DPP10: variants seen among roughly 807,000 people sequenced by gnomAD.
DPP10 encodes inactive dipeptidyl peptidase 10.
DPP10 carries 33 observed loss-of-function variants against 120.9 expected under a neutral mutation model. The observed-to-expected ratio is 0.27, with a 90% CI of 0.21 to 0.37. The LOEUF (loss-of-function observed/expected upper bound fraction) is 0.37. Among genes scored for constraint, DPP10 ranks in the 10% least tolerant of loss-of-function variants. The pLI, the probability that DPP10 is intolerant of heterozygous loss-of-function variation, is 1.00. For missense variants in DPP10, 816 were observed against 942.8 expected (o/e 0.87, Z 1.76); for synonymous variants, 337 against 326.1 (o/e 1.03, Z -0.36).
chr2:114,888,952 T>C (rs1394068493), intron 1 of DPP10, among the ~76,000 whole-genome samples: 1 of 152,184 alleles, frequency 6.6e-6, no homozygotes, highest in African/African-American at 2.4e-5. Flanking sequence ...TACTTCAGAA[T>C]GTGGCTGTAT....
intron 3 of DPP10, among the ~76,000 whole-genome samples, chr2:115,461,686 G>C (rs2073994075): frequency 6.6e-6 from 1 of 151,974 alleles, no homozygotes; most frequent in African/African-American, 2.4e-5. Flanking sequence ...ATAAGGATTA[G>C]AAAATAAATA....
intron 1 of DPP10, among the ~76,000 whole-genome samples, chr2:115,003,878 A>C (rs913676524): frequency 3.3e-5 from 5 of 152,174 alleles, no homozygotes; most frequent in Non-Finnish European, 7.3e-5. Flanking sequence ...TATTTATAAT[A>C]GTACATGTAA....
intron 3 of DPP10, among the ~76,000 whole-genome samples, chr2:115,372,736 A>C (rs75155571): frequency 1.8e-4 from 27 of 152,220 alleles, no homozygotes; most frequent in African/African-American, 6.5e-4. Context: ...AAGTAAACAC[A>C]TAACCATCAC....
chr2:115,635,527 C>A (rs1337016877), intron 5 of DPP10, among the ~76,000 whole-genome samples: 3 of 152,200 alleles, frequency 2.0e-5, no homozygotes, highest in African/African-American at 7.2e-5. Context: ...CAACCACCTA[C>A]TCAGTCCCAT....
At chr2:115,733,798 C>T (rs1050725726) in intron 8 of DPP10, among the ~76,000 whole-genome samples, 1 of 152,126 alleles carries the variant, frequency 6.6e-6, no homozygotes, top group Non-Finnish European at 1.5e-5. Context: ...GATATAAAAC[C>T]ACATGTGCTG....
chr2:115,109,327 G>A (rs1271078147), intron 1 of DPP10, among the ~76,000 whole-genome samples: 1 of 152,086 alleles, frequency 6.6e-6, no homozygotes, highest in African/African-American at 2.4e-5. Context: ...CACGACGTCA[G>A]GAGATCGAGA....
chr2:115,124,129 G>T lies in DPP10; in HGVS notation c.61-185110G>T, dbSNP rs146912869. On this transcript the variant is annotated intron_variant, in intron 1 of 25. Transcript: ENST00000410059. Reference sequence around the variant, plus strand: ...CTAATTTTCTTATTCTTATGTAAAAGTGGGGCTCTTGCCATCTTGCCCAGG... The same window carrying T: ...CTAATTTTCTTATTCTTATGTAAAATTGGGGCTCTTGCCATCTTGCCCAGG... Among the ~76,000 whole-genome samples, 380 of 152,034 alleles carry T rather than the reference G, an allele frequency of 2.5e-3. 1 individual carries two copies. The highest frequency in any genetic ancestry group is 8.9e-3 in the African/African-American group (368 of 41,464).
intron 1 of DPP10, among the ~76,000 whole-genome samples, chr2:114,965,154 T>C (rs13006487): frequency 0.26 from 39,070 of 151,830 alleles, 5,098 homozygotes; most frequent in East Asian, 0.36. Context: ...TTTCTTTTTT[T>C]TGGACGGATT....
intron 1 of DPP10, among the ~76,000 whole-genome samples, chr2:114,920,143 G>T (rs376976384): frequency 3.2e-4 from 49 of 152,168 alleles, no homozygotes; most frequent in Non-Finnish European, 5.6e-4. Flanking sequence ...CTTCGGGAGG[G>T]GTGGAGAGGA....
chr2:114,581,173 CTTTTTTTTTTTT>C lies in DPP10; in HGVS notation c.60+138351_60+138362del, dbSNP rs70937291. Among the ~76,000 whole-genome samples the C allele has an allele frequency of 1.0e-3, 79 of 77,902 alleles. 1 individual carries two copies. The highest frequency in any genetic ancestry group is 3.8e-3 in the African/African-American group (74 of 19,480). The allele number at this position is 77,902 out of a possible 152,430, so 51.1% of individuals were successfully genotyped here. ...AAACATCATTTTCTTTTTTTCTTCT[CTTTTTTTTTTTT>C]TTTTTTTTTTTTTTTGAGACAGTCT... is the stretch of plus-strand genomic sequence containing the variant. On this transcript the variant is annotated intron_variant, in intron 1 of 25. Coordinates refer to ENST00000410059, the MANE Select transcript of DPP10 (RefSeq NM_020868.6).
intron 24 of DPP10, among the ~76,000 whole-genome samples, chr2:115,840,526 G>A (rs996196168): frequency 1.3e-5 from 2 of 151,438 alleles, no homozygotes; most frequent in African/African-American, 2.4e-5. Context: ...GGATTTCACC[G>A]AGTTAGCCAG....
At chr2:115,180,387 A>G (rs935290442) in intron 1 of DPP10, among the ~76,000 whole-genome samples, 2 of 152,204 alleles carry the variant, frequency 1.3e-5, no homozygotes, top group Admixed American at 6.5e-5. Context: ...CACTACTTAC[A>G]TATTCGTACC....
At chr2:115,009,551 A>G (rs1039249029) in intron 1 of DPP10, among the ~76,000 whole-genome samples, 4 of 151,936 alleles carry the variant, frequency 2.6e-5, no homozygotes, top group African/African-American at 7.3e-5. Context: ...CACAATGTGC[A>G]CATGTACCCT....
chr2:115,524,123 T>C (rs2077987380), intron 4 of DPP10, among the ~76,000 whole-genome samples: 1 of 152,056 alleles, frequency 6.6e-6, no homozygotes, highest in Admixed American at 6.6e-5. Context: ...ACCAATTGAG[T>C]GCTCTACAAT....
chr2:115,551,720 C>T (rs1240933135), intron 5 of DPP10, among the ~76,000 whole-genome samples: 1 of 151,942 alleles, frequency 6.6e-6, no homozygotes, highest in Non-Finnish European at 1.5e-5. Context: ...TATGGGAATC[C>T]AATGTATCTA....
Position 115,309,334 on chromosome 2 carries a change from A to C in DPP10, c.156A>C (p.Ser52=). 1 of 1,613,354 alleles carries C rather than the reference A, an allele frequency of 6.2e-7. No individual in the cohort carries two copies. Among genetic ancestry groups the C allele is most frequent in the Non-Finnish European group, 8.5e-7 (1 of 1,179,512 alleles). The stretch of plus-strand genomic sequence containing the variant: ...TTGTATGCTCACTCATCACTATGTC[A>C]GTCATCCTCTTAACCCCAGGTAATC... ...ILVVCSLITM[S]VILLTPDELT... The change falls in exon 2 of 26, where the codon TCA becomes TCC. Residue 52 remains serine, a synonymous_variant. Coordinates refer to ENST00000410059, the MANE Select transcript of DPP10 (RefSeq NM_020868.6).
At chr2:114,838,380 C>T (rs1462118861) in intron 1 of DPP10, among the ~76,000 whole-genome samples, 3 of 152,056 alleles carry the variant, frequency 2.0e-5, no homozygotes, top group African/African-American at 7.3e-5. Flanking sequence ...TGCAGTGTCA[C>T]TTGGCTCACT....
intron 1 of DPP10, among the ~76,000 whole-genome samples, chr2:115,171,225 G>A (rs760721880): frequency 2.6e-5 from 4 of 151,896 alleles, no homozygotes; most frequent in Non-Finnish European, 4.4e-5. Flanking sequence ...GCCAGGTGTG[G>A]TGCCACATGC....
intron 1 of DPP10, among the ~76,000 whole-genome samples, chr2:115,038,991 A>T (rs1005152673): frequency 1.2e-4 from 18 of 152,166 alleles, no homozygotes; most frequent in Non-Finnish European, 2.2e-4. Context: ...GGCAAACAGG[A>T]GGGTCAATGG....
Sources: allele counts gnomAD v4.1 joint callset (sites outside exome capture counted in the v4.1 genomes callset), GRCh38; gene constraint gnomAD v4.1.1; transcripts MANE v1.5; gene names NCBI Gene and HGNC (gene_info 2026-07-23, HGNC 2026-07-21).